Variants in REPS2 observed in about 807,000 individuals in gnomAD.
The protein encoded by REPS2 is RALBP1 associated Eps domain containing 2.
In REPS2, 23 loss-of-function variants were observed where a neutral mutation model predicts 53.6. The observed-to-expected ratio is 0.43, with a 90% CI of 0.31 to 0.61. The LOEUF is 0.61. Ranked by LOEUF, REPS2 falls within the 20% of genes least tolerant of loss-of-function variation. The pLI is 0.11. For missense variants in REPS2, 446 were observed against 534.9 expected (o/e 0.83, Z 1.64); for synonymous variants, 238 against 218.6 (o/e 1.09, Z -0.78).
In REPS2 at chrX:16,977,036, CAGTT is replaced by C. The variant is rs1195573675; in HGVS notation, c.274-29182_274-29179del. On this transcript the variant is annotated intron_variant, in intron 1 of 17. Coordinates refer to ENST00000357277, the MANE Select transcript of REPS2 (RefSeq NM_004726.3). ...TATTGATAGATTGCGTACCCATTAT[CAGTT>C]AGGTATCTGCCAAACCATTTGCAGC... Among the ~76,000 whole-genome samples, 3 of 111,948 alleles carry C rather than the reference CAGTT, an allele frequency of 2.7e-5. No individual in the cohort carries two copies. The East Asian group carries it at 8.5e-4, about 32-fold the overall frequency.
chrX:17,034,115 C>T (rs867399045), intron 5 of REPS2, among the ~76,000 whole-genome samples: 9 of 111,090 alleles, frequency 8.1e-5, no homozygotes, highest in South Asian at 7.6e-4. Flanking sequence ...TGCTTGTCAG[C>T]TCATTTATGT....
chrX:16,976,081 C>T (rs181845241), intron 1 of REPS2, among the ~76,000 whole-genome samples: 2 of 111,818 alleles, frequency 1.8e-5, no homozygotes, highest in Non-Finnish European at 3.8e-5. Context: ...AGTAACTCCC[C>T]AATTCCTTCT....
intron 7 of REPS2, among the ~76,000 whole-genome samples, chrX:17,054,213 C>T (rs182125163): frequency 3.6e-5 from 4 of 112,500 alleles, no homozygotes; most frequent in African/African-American, 9.7e-5. Context: ...CTAGTTTTAT[C>T]CTAAAACATA....
chrX:17,102,425 T>C (rs2148057490), intron 13 of REPS2, among the ~76,000 whole-genome samples: 1 of 111,971 alleles, frequency 8.9e-6, no homozygotes, highest in African/African-American at 3.2e-5. Context: ...AAAGGTCCAA[T>C]CTGTGAGGAT....
chrX:17,112,969 G>A (rs2062992204), intron 14 of REPS2, among the ~76,000 whole-genome samples: 1 of 103,641 alleles, frequency 9.6e-6, no homozygotes, highest in Admixed American at 1.1e-4. Flanking sequence ...GCGGGCGCCT[G>A]TAGTCCCAGT....
chrX:16,994,414 T>C (rs776407327), intron 1 of REPS2, among the ~76,000 whole-genome samples: 1 of 110,896 alleles, frequency 9.0e-6, no homozygotes, highest in Non-Finnish European at 1.9e-5. Flanking sequence ...CACACGTACA[T>C]ATATATGCAC....
chrX:17,061,288 A>G (rs1231779671), intron 8 of REPS2, among the ~76,000 whole-genome samples: 3 of 112,024 alleles, frequency 2.7e-5, no homozygotes, highest in Non-Finnish European at 5.6e-5. Context: ...TTAGATAGAC[A>G]CGTAGGTAGG....
At chrX:17,023,794 C>G (rs1197883494) in intron 3 of REPS2, among the ~76,000 whole-genome samples, 4 of 111,813 alleles carry the variant, frequency 3.6e-5, no homozygotes, top group Non-Finnish European at 7.5e-5. Flanking sequence ...CAGGCCCAGT[C>G]CCTGATTGTG....
chrX:17,050,198 T>TTTCCTTCTTTCTTTCTTTC (rs2061977971), intron 6 of REPS2, among the ~76,000 whole-genome samples: 1 of 22,964 alleles, frequency 4.4e-5, no homozygotes, highest in African/African-American at 2.0e-4. Flanking sequence ...TTCTTTCTTT[T>TTTCCTTCTTTCTTTCTTTC]TTTTTTTTTT....
intron 14 of REPS2, among the ~76,000 whole-genome samples, chrX:17,125,977 T>A (rs1460304683): frequency 8.9e-6 from 1 of 112,266 alleles, no homozygotes; most frequent in Non-Finnish European, 1.9e-5. Flanking sequence ...TGGACTCAGA[T>A]GGGACCAGTG....
At chrX:17,135,681 T>A (rs1339927899) in intron 16 of REPS2, 3 of 271,034 alleles carry the variant, frequency 1.1e-5, no homozygotes, top group Non-Finnish European at 1.9e-5. Flanking sequence ...TTCTGTTGTT[T>A]CCTACTCCTC....
rs1323621109 is a variant in REPS2 at position 17,149,927 on chromosome X, C to T, written c.*2446C>T. On this transcript the variant is annotated 3_prime_UTR_variant, in exon 18 of 18. Coordinates refer to ENST00000357277, the MANE Select transcript of REPS2 (RefSeq NM_004726.3). Reference sequence around the variant, plus strand: ...ACTTGCATTGGACAATCAAATTCCCCTGAGTTTCATAATCTCATCAATATT... The same window carrying T: ...ACTTGCATTGGACAATCAAATTCCCTTGAGTTTCATAATCTCATCAATATT... 7 of 111,671 alleles carry T rather than the reference C, an allele frequency of 6.3e-5. No individual in the cohort carries two copies. The Admixed American group carries it at 6.6e-4, about 11-fold the overall frequency. The allele number at this position is 111,671 out of a possible 1,213,427, so 9.2% of individuals were successfully genotyped here. A position where few individuals can be genotyped will look rare whatever the true frequency, so the allele number is the denominator to read the frequency against.
chrX:17,007,225 A>C (rs1240056157), intron 2 of REPS2, among the ~76,000 whole-genome samples: 2 of 112,058 alleles, frequency 1.8e-5, no homozygotes, highest in Non-Finnish European at 3.8e-5. Context: ...GGACAATCCA[A>C]ATGGCCGAGA....
At chrX:17,147,376 T>G in intron 17 of REPS2, 37 bp from the exon 18 acceptor site, 2 of 1,121,443 alleles carry the variant, frequency 1.8e-6, no homozygotes, top group Non-Finnish European at 2.4e-6. Flanking sequence ...AATGACCCCT[T>G]TGCTTTTTTG....
intron 1 of REPS2, among the ~76,000 whole-genome samples, chrX:16,982,360 A>G (rs1328114285): frequency 8.0e-5 from 9 of 111,950 alleles, no homozygotes. Context: ...GAGTGGAATC[A>G]TATATATATG....
At chrX:17,154,876 A>G (rs1005187485), downstream of REPS2, among the ~76,000 whole-genome samples, 1 of 112,039 alleles carries the variant, frequency 8.9e-6, no homozygotes, top group Admixed American at 9.4e-5. Context: ...GAGAACACAC[A>G]GGAGGGGTAT....
At chrX:17,180,011 A>C in the REPS2 span, among the ~76,000 whole-genome samples, 1 of 111,877 alleles carries the variant, frequency 8.9e-6, no homozygotes, top group Non-Finnish European at 1.9e-5. Flanking sequence ...TTTTGTAAAA[A>C]TGAACAGCAA....
At chrX:17,102,088 T>G (rs866080475) in intron 13 of REPS2, among the ~76,000 whole-genome samples, 53 of 99,745 alleles carry the variant, frequency 5.3e-4, no homozygotes, top group African/African-American at 9.5e-4. Context: ...GTTATTTTAT[T>G]TTATTTATGA....
At chrX:17,098,775 C>T (rs1051350859) in intron 13 of REPS2, among the ~76,000 whole-genome samples, 1 of 111,376 alleles carries the variant, frequency 9.0e-6, no homozygotes, top group Non-Finnish European at 1.9e-5. Flanking sequence ...GAGTTCAAAG[C>T]TCAAAAGAGA....
Sources: gnomAD v4.1 joint callset for allele counts (sites outside exome capture counted in the v4.1 genomes callset) on GRCh38, gnomAD v4.1.1 for gene constraint, MANE v1.5 for transcripts, NCBI Gene and HGNC (gene_info 2026-07-23, HGNC 2026-07-21) for gene names.